The following MED13L variants were observed in gnomAD, a reference collection of about 807,000 sequenced individuals.
The protein encoded by MED13L is mediator of RNA polymerase II transcription subunit 13-like.
Under a neutral mutation model 220.9 loss-of-function variants are expected in MED13L, and 7 were observed. The observed-to-expected ratio is 0.03, with a 90% CI of 0.02 to 0.06. The LOEUF (loss-of-function observed/expected upper bound fraction) is 0.06, where lower values mean the gene tolerates loss of function less well. Among genes scored for constraint, MED13L ranks in the 10% least tolerant of loss-of-function variants. The pLI is 1.00. For synonymous variants in MED13L, 1,011 were observed against 1,015.2 expected, an observed-to-expected ratio of 1.00 and a Z score of 0.08; for missense variants, 1,965 against 2,760.5, an observed-to-expected ratio of 0.71 and a Z score of 6.46.
At chr12:116,205,669 A>T (rs1411695201) in intron 2 of MED13L, among the ~76,000 whole-genome samples, 2 of 152,062 alleles carry the variant, frequency 1.3e-5, no homozygotes, top group African/African-American at 4.8e-5. Flanking sequence ...CAGAATGATT[A>T]AAAAAGGTAT....
intron 5 of MED13L, among the ~76,000 whole-genome samples, chr12:116,021,296 C>T (rs989039234): frequency 4.6e-5 from 7 of 152,136 alleles, no homozygotes; most frequent in Non-Finnish European, 8.8e-5. Context: ...AAGTTCTCTT[C>T]CCTCATGACT....
At chr12:116,203,957 T>C (rs1882160925) in intron 2 of MED13L, among the ~76,000 whole-genome samples, 1 of 152,222 alleles carries the variant, frequency 6.6e-6, no homozygotes, top group South Asian at 2.1e-4. Flanking sequence ...GTGAATAGGC[T>C]AGCCAGAGCA....
intron 27 of MED13L, 40 bp downstream of exon 27, chr12:115,970,554 G>GC (rs747847176): frequency 1.3e-6 from 2 of 1,598,424 alleles, no homozygotes; most frequent in Non-Finnish European, 1.7e-6. Flanking sequence ...GCTCTGCCCT[G>GC]CATGAAGGTG....
At chr12:116,199,656 A>T (rs1206222180) in intron 2 of MED13L, among the ~76,000 whole-genome samples, 3 of 152,160 alleles carry the variant, frequency 2.0e-5, no homozygotes. Flanking sequence ...ACAGTCATCA[A>T]ATTTTAAGAC....
chr12:115,964,683 C>T (rs1028190280), intron 29 of MED13L, among the ~76,000 whole-genome samples: 1 of 152,096 alleles, frequency 6.6e-6, no homozygotes, highest in African/African-American at 2.4e-5. Context: ...CCCATCCTAT[C>T]CCTGGACAAC....
At chr12:116,252,191 A>C (rs1014494763) in intron 1 of MED13L, among the ~76,000 whole-genome samples, 9 of 152,274 alleles carry the variant, frequency 5.9e-5, no homozygotes, top group Admixed American at 5.2e-4. Context: ...AACCAAATTG[A>C]CATTTATAAA....
intron 27 of MED13L, 105 bp from the exon 28 acceptor site, chr12:115,969,202 C>G: frequency 8.2e-7 from 1 of 1,215,788 alleles, no homozygotes. Flanking sequence ...TGGCATATGG[C>G]TATTATGGAC....
At chr12:116,271,040 C>CAAAAAAAAAAAAA (rs58162276) in intron 1 of MED13L, among the ~76,000 whole-genome samples, 2 of 30,096 alleles carry the variant, frequency 6.6e-5, no homozygotes, top group East Asian at 1.1e-3. Flanking sequence ...GACTCCGTCT[C>CAAAAAAAAAAAAA]AAAAAAAAAA....
intron 4 of MED13L, among the ~76,000 whole-genome samples, chr12:116,076,070 C>T (rs1311569610): frequency 2.0e-5 from 3 of 151,878 alleles, no homozygotes; most frequent in African/African-American, 4.8e-5. Flanking sequence ...CCCGCTACCA[C>T]GCCCGGCTAA....
At chr12:116,168,678 C>A (rs924259555) in intron 2 of MED13L, among the ~76,000 whole-genome samples, 1 of 152,176 alleles carries the variant, frequency 6.6e-6, no homozygotes, top group Admixed American at 6.5e-5. Flanking sequence ...AATATGATAA[C>A]TGGTTCAGGT....
At chr12:116,186,163 T>C (rs537879344) in intron 2 of MED13L, among the ~76,000 whole-genome samples, 1 of 152,370 alleles carries the variant, frequency 6.6e-6, no homozygotes, top group East Asian at 1.9e-4. Flanking sequence ...CAGCAATAAT[T>C]GCTGAATTAA....
intron 2 of MED13L, among the ~76,000 whole-genome samples, chr12:116,135,079 G>A (rs1876417604): frequency 6.6e-6 from 1 of 152,172 alleles, no homozygotes; most frequent in African/African-American, 2.4e-5. Context: ...TGAGACAGGA[G>A]AATCACTTGA....
At chr12:116,003,638 C>T (rs1358635065) in intron 13 of MED13L, among the ~76,000 whole-genome samples, 3 of 151,676 alleles carry the variant, frequency 2.0e-5, no homozygotes, top group Admixed American at 6.6e-5. Flanking sequence ...ATCTGTTATT[C>T]AAAAACAAAC....
intron 2 of MED13L, among the ~76,000 whole-genome samples, chr12:116,159,866 C>T (rs1878727479): frequency 6.6e-6 from 1 of 152,128 alleles, no homozygotes; most frequent in Non-Finnish European, 1.5e-5. Flanking sequence ...TATAAATGTG[C>T]CACATCCTGC....
intron 3 of MED13L, among the ~76,000 whole-genome samples, chr12:116,103,676 G>A (rs1248599888): frequency 1.3e-5 from 2 of 152,154 alleles, no homozygotes. Context: ...TAGTCTCAGG[G>A]TGAATGTTTC....
intron 2 of MED13L, among the ~76,000 whole-genome samples, chr12:116,204,939 T>C (rs933394251): frequency 6.6e-6 from 1 of 152,206 alleles, no homozygotes; most frequent in East Asian, 1.9e-4. Context: ...AGCAGCAGTG[T>C]AGTGTCAGTG....
rs1366083664 is a variant in MED13L at position 115,970,676 on chromosome 12, G to A, written c.5985C>T (p.His1995=). 1 of 1,614,108 alleles carries A rather than the reference G, an allele frequency of 6.2e-7. No individual in the cohort carries two copies. Among genetic ancestry groups the A allele is most frequent in the Non-Finnish European group, 8.5e-7 (1 of 1,179,950 alleles). ...TTGATGATGTTGGGAACACCAAGATGTGTGTACAAGAAGCATCTTGAGGGG... is the reference window on the plus strand; with the variant it reads ...TTGATGATGTTGGGAACACCAAGATATGTGTACAAGAAGCATCTTGAGGGG... ...LNTPQDASCT[H]ILVFPTSSTI... The change falls in exon 27 of 31, where the codon CAC becomes CAT. Residue 1995 remains histidine, a synonymous_variant. Coordinates refer to ENST00000281928, the MANE Select transcript of MED13L (RefSeq NM_015335.5).
intron 2 of MED13L, among the ~76,000 whole-genome samples, chr12:116,113,623 C>G (rs866726405): frequency 7.3e-4 from 109 of 149,644 alleles, no homozygotes; most frequent in South Asian, 1.3e-3. Context: ...GCCACCACTG[C>G]ACTCCAGCCT....
intron 4 of MED13L, among the ~76,000 whole-genome samples, chr12:116,034,064 A>G (rs914004685): frequency 3.9e-5 from 6 of 151,928 alleles, no homozygotes; most frequent in African/African-American, 1.5e-4. Flanking sequence ...AACTTCTCCT[A>G]TTGTTCATCT....
Sources: gnomAD v4.1 joint callset for allele counts (sites outside exome capture counted in the v4.1 genomes callset) on GRCh38, gnomAD v4.1.1 for gene constraint, MANE v1.5 for transcripts, NCBI Gene and HGNC (gene_info 2026-07-23, HGNC 2026-07-21) for gene names.